Variants in PCDHA11 observed in about 807,000 individuals in gnomAD.
PCDHA11 encodes the protein protocadherin alpha 11.
In PCDHA11, 61 loss-of-function variants were observed where a neutral mutation model predicts 70.3. The ratio of observed to expected loss-of-function variants is 0.87; its 90% CI spans 0.71 to 1.07. PCDHA11 has a LOEUF of 1.07. Among genes scored for constraint, PCDHA11 ranks in the 50% least tolerant of loss-of-function variants. The pLI is 0.00. For missense variants in PCDHA11, 1,324 were observed against 1,237.5 expected, an observed-to-expected ratio of 1.07 and a Z score of -1.05; for synonymous variants, 633 against 555.1, an observed-to-expected ratio of 1.14 and a Z score of -1.97.
intron 1 of PCDHA11, among the ~76,000 whole-genome samples, chr5:140,921,231 T>C (rs1171159325): frequency 3.3e-5 from 5 of 152,122 alleles, no homozygotes; most frequent in African/African-American, 4.8e-5. Context: ...TGCTAGATGA[T>C]ATTAAGCCAC....
rs782251799 is a variant in PCDHA11 at position 140,876,987 on chromosome 5, G to T, written c.2391+5493G>T. On this transcript the variant is annotated intron_variant, in intron 1 of 3. Transcript: ENST00000398640. The stretch of plus-strand genomic sequence containing the variant: ...GGCGGGTGGGCGAGCACGCACTGTC[G>T]AGCTACGTGTCGGTGCACGCGGAGA... The T allele has an allele frequency of 9.9e-6, 16 of 1,612,540 alleles. 1 individual carries two copies. The South Asian group carries it at 1.4e-4, about 14-fold the overall frequency.
At chr5:140,968,644 G>C (rs1554230935) in intron 1 of PCDHA11, 3 of 1,614,046 alleles carry the variant, frequency 1.9e-6, no homozygotes, top group African/African-American at 2.7e-5. Context: ...ATCTAGCCCA[G>C]ACTTCTGACC....
At chr5:141,004,833 C>A (rs1421886072) in intron 3 of PCDHA11, among the ~76,000 whole-genome samples, 1 of 152,168 alleles carries the variant, frequency 6.6e-6, no homozygotes, top group Non-Finnish European at 1.5e-5. Flanking sequence ...TTAGATAGAT[C>A]AAAGTCATTA....
At chr5:140,883,021 G>A in intron 1 of PCDHA11, 1 of 1,614,136 alleles carries the variant, frequency 6.2e-7, no homozygotes, top group Non-Finnish European at 8.5e-7. Flanking sequence ...AAGTGACGGT[G>A]TTAGAGAACG....
chr5:140,907,364 C>T (rs1042794275), intron 1 of PCDHA11, among the ~76,000 whole-genome samples: 5 of 152,122 alleles, frequency 3.3e-5, no homozygotes, highest in East Asian at 1.9e-4. Context: ...CTTCTTTAGT[C>T]GTAAAGTGAG....
At chr5:140,931,982 T>G (rs1486789443) in intron 1 of PCDHA11, among the ~76,000 whole-genome samples, 1 of 151,968 alleles carries the variant, frequency 6.6e-6, no homozygotes, top group Non-Finnish European at 1.5e-5. Context: ...GTTTATATTT[T>G]GCTCAAATTC....
At chr5:140,900,538 A>G (rs1341812228) in intron 1 of PCDHA11, among the ~76,000 whole-genome samples, 1 of 152,162 alleles carries the variant, frequency 6.6e-6, no homozygotes, top group Non-Finnish European at 1.5e-5. Context: ...CGGCTTTCCA[A>G]AGTGCTGGGA....
At chr5:141,008,568 T>C (rs1430525508) in intron 3 of PCDHA11, among the ~76,000 whole-genome samples, 2 of 152,220 alleles carry the variant, frequency 1.3e-5, no homozygotes, top group African/African-American at 4.8e-5. Flanking sequence ...GCATAATCAT[T>C]TTCCCAAGAC....
intron 3 of PCDHA11, among the ~76,000 whole-genome samples, chr5:140,997,851 C>T (rs1400770612): frequency 6.6e-6 from 1 of 152,122 alleles, no homozygotes. Flanking sequence ...CATTCTTATA[C>T]ATATTTCTTA....
chr5:140,876,718 G>C, intron 1 of PCDHA11: 1 of 1,614,242 alleles, frequency 6.2e-7, no homozygotes, highest in Non-Finnish European at 8.5e-7. Context: ...CCTGGACCGC[G>C]AGAGCGTGTC....
intron 3 of PCDHA11, among the ~76,000 whole-genome samples, chr5:140,993,462 T>TCTCA (rs1235362335): frequency 6.4e-5 from 9 of 140,938 alleles, no homozygotes; most frequent in African/African-American, 2.1e-4. Context: ...TCTTTCTTTC[T>TCTCA]CACACACACA....
intron 1 of PCDHA11, chr5:140,877,686 G>T (rs1554169986): frequency 6.2e-7 from 1 of 1,613,818 alleles, no homozygotes; most frequent in Non-Finnish European, 8.5e-7. Flanking sequence ...GCAAGCCCAC[G>T]CTGGTGTGCT....
Position 140,869,758 on chromosome 5 carries a change from A to AAACC in PCDHA11, c.657_660dup (p.Glu221ThrfsTer20). ...GCTGCTAACAGCTACAGACGGGGGA[A>AAACC]AACCAGAGCTTACTGGCACCGTTCG... On this transcript the variant is annotated frameshift_variant, in exon 1 of 4. Coordinates refer to ENST00000398640, the MANE Select transcript of PCDHA11 (RefSeq NM_018902.5). LOFTEE classifies it high-confidence loss of function. 1 of 1,613,288 alleles carries AAACC rather than the reference A, an allele frequency of 6.2e-7. No homozygotes were observed. Among genetic ancestry groups the AAACC allele is most frequent in the Non-Finnish European group, 8.5e-7 (1 of 1,179,770 alleles).
chr5:140,890,995 A>C (rs1554184607), intron 1 of PCDHA11, among the ~76,000 whole-genome samples: 2 of 152,138 alleles, frequency 1.3e-5, no homozygotes, highest in Non-Finnish European at 1.5e-5. Context: ...ATTTCATCAT[A>C]ATTATTGAAA....
chr5:140,925,027 C>A (rs1238112043), intron 1 of PCDHA11, among the ~76,000 whole-genome samples: 1 of 151,680 alleles, frequency 6.6e-6, no homozygotes, highest in Non-Finnish European at 1.5e-5. Flanking sequence ...GGGAGGATCG[C>A]TTGAGCCCAG....
intron 1 of PCDHA11, chr5:140,926,672 C>T (rs2083457109): frequency 1.7e-6 from 1 of 583,596 alleles, no homozygotes; most frequent in Admixed American, 3.9e-5. Flanking sequence ...GACGGCTGCC[C>T]AGCCTCCAGC....
chr5:140,869,274 G>A lies in PCDHA11; in HGVS notation c.171G>A (p.Ala57=). Residue 57 remains alanine (A), a synonymous_variant, in exon 1 of 4, where the codon GCG becomes GCA. Coordinates refer to ENST00000398640, the MANE Select transcript of PCDHA11 (RefSeq NM_018902.5). ...CGCAGGACCTGGGGCTGGAGCTGGC[G>A]GAGCTGGTGCAGCGCCTGTTCCGGG... ...RIAQDLGLEL[A]ELVQRLFRVA... The A allele has an allele frequency of 6.2e-7, 1 of 1,613,594 alleles. No individual in the cohort carries two copies.
intron 3 of PCDHA11, among the ~76,000 whole-genome samples, chr5:140,992,490 G>A (rs2097515419): frequency 6.6e-6 from 1 of 152,196 alleles, no homozygotes; most frequent in Non-Finnish European, 1.5e-5. Flanking sequence ...AGGCCAATCT[G>A]TAAGGATTCA....
At chr5:140,946,092 G>T (rs985293430) in intron 1 of PCDHA11, among the ~76,000 whole-genome samples, 1 of 151,914 alleles carries the variant, frequency 6.6e-6, no homozygotes, top group Non-Finnish European at 1.5e-5. Context: ...CTGATAAGGA[G>T]TTAACATACC....
Sources: gnomAD v4.1 joint callset for allele counts (sites outside exome capture counted in the v4.1 genomes callset) on GRCh38, gnomAD v4.1.1 for gene constraint, MANE v1.5 for transcripts, NCBI Gene and HGNC (gene_info 2026-07-23, HGNC 2026-07-21) for gene names.